Variants in AGFG2 observed in about 807,000 individuals in gnomAD.
The protein encoded by AGFG2 is arf-GAP domain and FG repeat-containing protein 2.
AGFG2 carries 31 observed loss-of-function variants against 48.0 expected under a neutral mutation model. That is an observed-to-expected ratio of 0.65 (90% CI 0.49 to 0.87). The LOEUF is 0.87. Ranked by LOEUF, AGFG2 falls within the 40% of genes least tolerant of loss-of-function variation. AGFG2 has a pLI of 0.00. For missense variants in AGFG2, 599 were observed against 632.6 expected (o/e 0.95, Z 0.57); for synonymous variants, 229 against 260.8 (o/e 0.88, Z 1.18).
chr7:100,554,096 G>A lies in AGFG2; in HGVS notation c.589G>A (p.Val197Ile), dbSNP rs61742738. The A allele has an allele frequency of 8.2e-3, 13,210 of 1,612,696 alleles. 694 individuals carry two copies. The African/African-American group carries it at 0.13, about 16-fold the overall frequency. The change falls in exon 5 of 12, where the codon GTC (valine) becomes ATC (isoleucine). Residue 197 changes from valine to isoleucine, a missense_variant. Physicochemically the swap from Val to Ile is conservative, Grantham distance 29. Transcript: ENST00000300176. ...TATGCATTCCTTCTCCTCCAAGCCC[G>A]TCAGTCAGTCTCACGCTCGGACATC... The part of the protein sequence containing the change: ...SVAASTSSQP[V>I]SQSHARTSQA...
intron 6 of AGFG2, chr7:100,556,713 C>T: frequency 8.8e-7 from 1 of 1,138,304 alleles, no homozygotes; most frequent in Non-Finnish European, 1.2e-6. Flanking sequence ...AAAATTTGGC[C>T]ATTTGACAGA....
chr7:100,555,289 T>TC (rs1800736415), intron 5 of AGFG2, among the ~76,000 whole-genome samples: 1 of 146,316 alleles, frequency 6.8e-6, no homozygotes, highest in Non-Finnish European at 1.5e-5. Context: ...TTTTTTTTTT[T>TC]TTGAGTCAGA....
At chr7:100,552,809 T>G (rs1800674098) in intron 3 of AGFG2, among the ~76,000 whole-genome samples, 1 of 152,094 alleles carries the variant, frequency 6.6e-6, no homozygotes, top group Non-Finnish European at 1.5e-5. Flanking sequence ...GCAGCTTTTC[T>G]ATGGAGCTGA....
rs1274169966 is a variant in AGFG2 at position 100,556,627 on chromosome 7, G to A, written c.877+892G>A. ...ATGCTAACTGAAAGTTACAGCTTTG[G>A]TAAGTTATTATCCCCACCCCAGAGC... On this transcript the variant is annotated intron_variant, in intron 6 of 11. Coordinates refer to ENST00000300176, the MANE Select transcript of AGFG2 (RefSeq NM_006076.5). 3 of 1,289,188 alleles carry A rather than the reference G, an allele frequency of 2.3e-6. No individual in the cohort carries two copies. The African/African-American group carries it at 4.6e-5, about 20-fold the overall frequency. The allele number at this position is 1,289,188 out of a possible 1,614,324, so 79.9% of individuals were successfully genotyped here. A position where few individuals can be genotyped will look rare whatever the true frequency, so the allele number is the denominator to read the frequency against.
chr7:100,545,781 A>C (rs996215658), intron 1 of AGFG2, among the ~76,000 whole-genome samples: 3 of 152,202 alleles, frequency 2.0e-5, no homozygotes, highest in African/African-American at 7.2e-5. Context: ...GGTCCGCTGC[A>C]TGACCCTGGT....
intron 1 of AGFG2, among the ~76,000 whole-genome samples, chr7:100,542,434 TAG>T (rs1800439591): frequency 6.6e-6 from 1 of 152,126 alleles, no homozygotes; most frequent in African/African-American, 2.4e-5. Context: ...CCTTTGTTAG[TAG>T]GAAATGAGAG....
rs773899210 is a variant in AGFG2, at chr7:100,563,908, T to A, written c.1246T>A (p.Ser416Thr). The change falls in exon 10 of 12, where the codon TCC becomes ACC. Residue 416 changes from serine (S) to threonine (T), a missense_variant. Coordinates refer to ENST00000300176, the MANE Select transcript of AGFG2 (RefSeq NM_006076.5). The part of the protein sequence containing the change: ...AVPPTGAFAS[S>T]FPAPLFPPQT... ...GCCACCCACTGGGGCCTTTGCCAGCTCCTTCCCAGCACCGCTGTTCCCCCC... is the reference window on the plus strand; with the variant it reads ...GCCACCCACTGGGGCCTTTGCCAGCACCTTCCCAGCACCGCTGTTCCCCCC... The A allele has an allele frequency of 7.6e-5, 122 of 1,609,672 alleles. No individual in the cohort carries two copies. In the Admixed American group the frequency reaches 2.0e-3, roughly 26 times the overall value.
At chr7:100,551,030 T>TTTTATATA (rs1378400368) in intron 3 of AGFG2, among the ~76,000 whole-genome samples, 5 of 56,030 alleles carry the variant, frequency 8.9e-5, no homozygotes, top group African/African-American at 3.7e-4. Flanking sequence ...CCTGGCTAAT[T>TTTTATATA]TATATATATA....
intron 6 of AGFG2, among the ~76,000 whole-genome samples, chr7:100,561,814 A>G (rs1359599171): frequency 6.6e-6 from 1 of 152,110 alleles, no homozygotes; most frequent in East Asian, 1.9e-4. Context: ...ACAGGCCAGG[A>G]GCCTCCTGAG....
intron 4 of AGFG2, 42 bp from the exon 5 acceptor site, chr7:100,554,051 G>C (rs754346092): frequency 3.2e-6 from 5 of 1,583,030 alleles, no homozygotes; most frequent in Non-Finnish European, 4.3e-6. Context: ...CCTGGGGCAT[G>C]TCTGGGATTC....
chr7:100,564,372 G>A, intron 11 of AGFG2, 69 bp downstream of exon 11: 1 of 1,505,730 alleles, frequency 6.6e-7, no homozygotes, highest in East Asian at 2.4e-5. Context: ...CCTTCCAGAA[G>A]AGGCTGATGT....
chr7:100,548,826 G>C lies in AGFG2; in HGVS notation c.226G>C (p.Gly76Arg), dbSNP rs1800565068. The C allele has an allele frequency of 1.2e-6, 2 of 1,612,400 alleles. No homozygotes were observed. The highest frequency in any genetic ancestry group is 1.1e-5 in the South Asian group (1 of 91,054). The change falls in exon 2 of 12, where the codon GGG becomes CGG. Residue 76 changes from glycine (G) to arginine (R), a missense_variant. Transcript: ENST00000300176. Reference protein sequence around the residue: ...VCTTCSGLLRGLNPPHRVKSI... With the variant: ...VCTTCSGLLRRLNPPHRVKSI... ...CTTCCTGTTTCTCTCCCATAGGAGA[G>C]GGCTGAACCCCCCTCATCGTGTCAA...
Position 100,555,696 on chromosome 7 carries a change from G to A in AGFG2, c.838G>A (p.Ala280Thr), listed in dbSNP as rs1800745665. ...TTCTGTGTTTGGAAGCCTCCCTCCA[G>A]CTGGTCAAGCCTCGTTCCAGGCCCA... ...SSSVFGSLPP[A>T]GQASFQAQPT... The change falls in exon 6 of 12, where the codon GCT (alanine) becomes ACT (threonine). Residue 280 changes from alanine to threonine, a missense_variant. Transcript: ENST00000300176. 1.2e-6 allele frequency: 2 copies of A among 1,613,964 alleles called. No homozygotes were observed. The highest frequency in any genetic ancestry group is 2.7e-5 in the African/African-American group (2 of 74,904).
chr7:100,546,317 C>A (rs960687205), intron 1 of AGFG2, among the ~76,000 whole-genome samples: 1 of 152,178 alleles, frequency 6.6e-6, no homozygotes, highest in African/African-American at 2.4e-5. Context: ...AGTTCGCTAA[C>A]AGTTCCTGGT....
intron 11 of AGFG2, 73 bp from the exon 12 acceptor site, chr7:100,564,859 C>T (rs1237774624): frequency 8.5e-6 from 13 of 1,534,738 alleles, no homozygotes; most frequent in Non-Finnish European, 1.1e-5. Context: ...GGAGAAAGGA[C>T]TCCTGGCTGC....
intron 3 of AGFG2, among the ~76,000 whole-genome samples, chr7:100,551,430 C>A (rs902587306): frequency 6.6e-6 from 1 of 150,544 alleles, no homozygotes; most frequent in African/African-American, 2.4e-5. Flanking sequence ...GTCTGAAACT[C>A]CTGGGCTCAA....
chr7:100,564,608 A>G (rs1414441120), intron 11 of AGFG2, among the ~76,000 whole-genome samples: 2 of 151,596 alleles, frequency 1.3e-5, no homozygotes, highest in Non-Finnish European at 2.9e-5. Context: ...AGTTCAAGCA[A>G]TTCTCCTGCC....
At chr7:100,555,571 C>A in intron 5 of AGFG2, 39 bp from the exon 6 acceptor site, 5 of 1,593,564 alleles carry the variant, frequency 3.1e-6, no homozygotes, top group Non-Finnish European at 4.3e-6. Flanking sequence ...CCACACCCGA[C>A]AATTTTCTAT....
intron 1 of AGFG2, among the ~76,000 whole-genome samples, chr7:100,547,140 G>T (rs1257074217): frequency 6.6e-6 from 1 of 152,020 alleles, no homozygotes; most frequent in East Asian, 1.9e-4. Flanking sequence ...TGTTCACTCT[G>T]TACTGAGTCC....
Sources: allele counts gnomAD v4.1 joint callset (sites outside exome capture counted in the v4.1 genomes callset), GRCh38; gene constraint gnomAD v4.1.1; transcripts MANE v1.5; gene names NCBI Gene and HGNC (gene_info 2026-07-23, HGNC 2026-07-21).